The following SNTG1 variants were observed in gnomAD, a reference collection of about 807,000 sequenced individuals.
SNTG1 encodes gamma-1-syntrophin.
A neutral mutation model predicts 74.7 loss-of-function variants in SNTG1; 39 were observed. That is an observed-to-expected ratio of 0.52 (90% CI 0.40 to 0.68). The LOEUF is 0.68. Among genes scored for constraint, SNTG1 ranks in the 30% least tolerant of loss-of-function variants. The probability of loss-of-function intolerance (pLI) is 0.00; values close to 1 mark genes in which losing one functional copy is unlikely to be tolerated. For missense variants in SNTG1, 685 were observed against 609.5 expected, an observed-to-expected ratio of 1.12 and a Z score of -1.30; for synonymous variants, 254 against 217.1, an observed-to-expected ratio of 1.17 and a Z score of -1.49.
intron 4 of SNTG1, among the ~76,000 whole-genome samples, chr8:50,406,812 T>C (rs1466831439): frequency 6.6e-6 from 1 of 152,150 alleles, no homozygotes; most frequent in Non-Finnish European, 1.5e-5. Flanking sequence ...TGTGTGCTTT[T>C]TAATTTTTTT....
At chr8:50,074,574 G>A (rs769893093) in intron 1 of SNTG1, among the ~76,000 whole-genome samples, 4 of 152,216 alleles carry the variant, frequency 2.6e-5, no homozygotes, top group African/African-American at 4.8e-5. Context: ...GTATATGGTC[G>A]TGATTTGTGC....
chr8:50,473,442 A>C (rs975378729), intron 8 of SNTG1, among the ~76,000 whole-genome samples: 1 of 152,162 alleles, frequency 6.6e-6, no homozygotes, highest in Non-Finnish European at 1.5e-5. Flanking sequence ...GATGTGGAGG[A>C]ATTAGGACTC....
At chr8:50,662,789 A>G (rs547957378) in intron 15 of SNTG1, among the ~76,000 whole-genome samples, 1 of 151,442 alleles carries the variant, frequency 6.6e-6, no homozygotes, top group South Asian at 2.1e-4. Context: ...GGCACTATGA[A>G]CTTCAGTTCT....
At chr8:50,460,136 T>C (rs1318000882) in intron 8 of SNTG1, among the ~76,000 whole-genome samples, 1 of 152,204 alleles carries the variant, frequency 6.6e-6, no homozygotes, top group Admixed American at 6.5e-5. Context: ...CAACAGTGTA[T>C]AAGCATTCCC....
intron 2 of SNTG1, among the ~76,000 whole-genome samples, chr8:50,347,733 T>C (rs776865995): frequency 2.0e-5 from 3 of 152,242 alleles, no homozygotes; most frequent in Non-Finnish European, 4.4e-5. Context: ...ATAGTAGGTG[T>C]TCAACTAATA....
At chr8:50,266,014 A>G (rs1447591829) in intron 2 of SNTG1, among the ~76,000 whole-genome samples, 1 of 151,946 alleles carries the variant, frequency 6.6e-6, no homozygotes, top group Non-Finnish European at 1.5e-5. Flanking sequence ...TACTTTACAC[A>G]TTGATCTACA....
At chr8:50,715,175 C>T (rs1328612395) in intron 17 of SNTG1, among the ~76,000 whole-genome samples, 2 of 152,144 alleles carry the variant, frequency 1.3e-5, no homozygotes, top group African/African-American at 4.8e-5. Flanking sequence ...CCTGCTGCAA[C>T]TCGGGAGTCA....
chr8:50,626,945 T>C (rs2094960475), intron 13 of SNTG1, among the ~76,000 whole-genome samples: 1 of 152,200 alleles, frequency 6.6e-6, no homozygotes, highest in Admixed American at 6.5e-5. Flanking sequence ...AAAATATATA[T>C]ATATTAAGGT....
At chr8:50,272,378 C>G (rs537368424) in intron 2 of SNTG1, among the ~76,000 whole-genome samples, 2 of 152,252 alleles carry the variant, frequency 1.3e-5, no homozygotes, top group Admixed American at 6.5e-5. Flanking sequence ...GCTTTCATGC[C>G]TGCAACTTTC....
chr8:50,732,467 AT>A lies in SNTG1; in HGVS notation c.1285-19529del, dbSNP rs1187339029. ...TTTCCCCTAACATTATATTACTTGC[AT>A]TTTTCCGTATATCTACATAATACTC... On this transcript the variant is annotated intron_variant, in intron 17 of 18. Coordinates refer to ENST00000642720, the MANE Select transcript of SNTG1 (RefSeq NM_018967.5). Among the ~76,000 whole-genome samples the A allele has an allele frequency of 3.3e-5, 5 of 151,762 alleles. No individual in the cohort carries two copies. The East Asian group carries it at 9.6e-4, about 29-fold the overall frequency.
chr8:50,607,232 A>G (rs1338585472), intron 13 of SNTG1, among the ~76,000 whole-genome samples: 1 of 151,884 alleles, frequency 6.6e-6, no homozygotes, highest in Non-Finnish European at 1.5e-5. Context: ...TTGTAGATTG[A>G]ATGAGAAAGC....
intron 2 of SNTG1, among the ~76,000 whole-genome samples, chr8:50,240,125 C>G (rs1474869475): frequency 1.3e-5 from 2 of 152,144 alleles, no homozygotes; most frequent in African/African-American, 4.8e-5. Flanking sequence ...AGAGAGAGCT[C>G]ATTAATATGC....
At chr8:50,266,586 T>A (rs2087476763) in intron 2 of SNTG1, among the ~76,000 whole-genome samples, 1 of 149,958 alleles carries the variant, frequency 6.7e-6, no homozygotes, top group South Asian at 2.1e-4. Flanking sequence ...AATAAATTAA[T>A]AAAATTAATA....
At chr8:50,676,727 A>C (rs2131371320) in intron 15 of SNTG1, among the ~76,000 whole-genome samples, 1 of 151,980 alleles carries the variant, frequency 6.6e-6, no homozygotes, top group African/African-American at 2.4e-5. Flanking sequence ...AGTTTTCTCA[A>C]AATATTTTTA....
chr8:50,551,490 A>G (rs911391164), intron 11 of SNTG1, among the ~76,000 whole-genome samples: 7 of 152,282 alleles, frequency 4.6e-5, no homozygotes, highest in East Asian at 1.9e-4. Context: ...GCTTTAATTT[A>G]TGGTACATGA....
chr8:50,362,003 A>G (rs1473008906), intron 2 of SNTG1, among the ~76,000 whole-genome samples: 1 of 152,230 alleles, frequency 6.6e-6, no homozygotes, highest in Non-Finnish European at 1.5e-5. Context: ...GCAATGGATG[A>G]GTCAGTGAGT....
chr8:50,295,813 A>C (rs188242300), intron 2 of SNTG1, among the ~76,000 whole-genome samples: 7 of 152,324 alleles, frequency 4.6e-5, no homozygotes, highest in Admixed American at 2.0e-4. Flanking sequence ...TATCATGCAT[A>C]GAAAATAAAG....
intron 1 of SNTG1, among the ~76,000 whole-genome samples, chr8:50,096,305 T>C (rs1334264894): frequency 5.3e-5 from 8 of 152,188 alleles, no homozygotes; most frequent in African/African-American, 9.7e-5. Context: ...ACTTTTTAAA[T>C]TACAATAGTT....
At chr8:50,242,759 A>T (rs1459364095) in intron 2 of SNTG1, among the ~76,000 whole-genome samples, 2 of 149,908 alleles carry the variant, frequency 1.3e-5, no homozygotes, top group South Asian at 2.1e-4. Context: ...CTATATAATT[A>T]TCTATTATCA....
Sources: allele counts gnomAD v4.1 joint callset (sites outside exome capture counted in the v4.1 genomes callset), GRCh38; gene constraint gnomAD v4.1.1; transcripts MANE v1.5; gene names NCBI Gene and HGNC (gene_info 2026-07-23, HGNC 2026-07-21).